Variants in PIRT observed in about 807,000 individuals in gnomAD.
The protein encoded by PIRT is phosphoinositide-interacting protein.
PIRT carries 6 observed loss-of-function variants against 7.9 expected under a neutral mutation model. The ratio of observed to expected loss-of-function variants is 0.76; its 90% CI spans 0.42 to 1.51. The LOEUF is 1.51. Among genes scored for constraint, PIRT ranks in the 40% most tolerant of loss-of-function variants. The pLI is 0.01. For synonymous variants in PIRT, 78 were observed against 71.8 expected (o/e 1.09, Z -0.44); for missense variants, 170 against 172.9 (o/e 0.98, Z 0.09).
chr17:10,833,551 G>A (rs1291901158), intron 1 of PIRT, among the ~76,000 whole-genome samples: 3 of 152,076 alleles, frequency 2.0e-5, no homozygotes, highest in Non-Finnish European at 2.9e-5. Context: ...TCAGGAGTTC[G>A]AGACCAGCCT....
In PIRT at chr17:10,825,481, G is replaced by A. The variant is rs773305208; in HGVS notation, c.165C>T (p.Pro55=). ...CACCGCCCACTGACATGATAACGAT[G>A]GGCTTGCGGTAGATTTCCCAGTTAC... ...PRSNWEIYRK[P]IVIMSVGGAI... The change falls in exon 2 of 2, where the codon CCC becomes CCT. Residue 55 remains proline (P), a synonymous_variant. Coordinates refer to ENST00000580256, the MANE Select transcript of PIRT (RefSeq NM_001101387.2). The A allele has an allele frequency of 1.9e-5, 31 of 1,613,914 alleles. 2 individuals carry two copies. In the Admixed American group the frequency reaches 2.2e-4, roughly 11 times the overall value.
chr17:10,832,120 G>C (rs1905476420), intron 1 of PIRT, among the ~76,000 whole-genome samples: 5 of 152,178 alleles, frequency 3.3e-5, no homozygotes, highest in African/African-American at 9.7e-5. Context: ...TATGCTATGA[G>C]AGCTTAGGAT....
At chr17:10,828,823 A>T (rs1171969315) in intron 1 of PIRT, among the ~76,000 whole-genome samples, 1 of 152,210 alleles carries the variant, frequency 6.6e-6, no homozygotes, top group East Asian at 1.9e-4. Flanking sequence ...TCTCTAGAAC[A>T]AGCAGTTACA....
At chr17:10,828,416 G>T (rs1246059036) in intron 1 of PIRT, among the ~76,000 whole-genome samples, 2 of 152,086 alleles carry the variant, frequency 1.3e-5, no homozygotes, top group African/African-American at 4.8e-5. Flanking sequence ...TTCCTCCTCT[G>T]GCTTCTTCTT....
At chr17:10,836,546 C>T (rs1333580212) in intron 1 of PIRT, among the ~76,000 whole-genome samples, 1 of 152,172 alleles carries the variant, frequency 6.6e-6, no homozygotes, top group East Asian at 1.9e-4. Context: ...TCAAATTGAA[C>T]TGGGCATCTC....
At chr17:10,836,556 C>T (rs1047959640) in intron 1 of PIRT, among the ~76,000 whole-genome samples, 6 of 152,154 alleles carry the variant, frequency 3.9e-5, no homozygotes, top group African/African-American at 7.2e-5. Context: ...CTGGGCATCT[C>T]GCAATACATC....
intron 1 of PIRT, among the ~76,000 whole-genome samples, chr17:10,827,465 C>CTTTCTTTTTTTTTT (rs1905353813): frequency 1.8e-5 from 1 of 56,292 alleles, no homozygotes; most frequent in East Asian, 5.1e-4. Context: ...TTTTTCTTTT[C>CTTTCTTTTTTTTTT]TTTTTTTTTT....
Position 10,825,694 on chromosome 17 carries a change from G to A in PIRT, c.-49C>T, listed in dbSNP as rs1474036678. 6.9e-7 allele frequency: 1 copy of A among 1,445,284 alleles called. No individual in the cohort carries two copies. The highest frequency in any genetic ancestry group is 1.4e-5 in the African/African-American group (1 of 69,692). The allele number at this position is 1,445,284 out of a possible 1,614,324, so 89.5% of individuals were successfully genotyped here. On this transcript the variant is annotated 5_prime_UTR_variant, in exon 2 of 2. Coordinates refer to ENST00000580256, the MANE Select transcript of PIRT (RefSeq NM_001101387.2). The stretch of plus-strand genomic sequence containing the variant: ...GGACCAGCAATAGTTGGAAACAAGA[G>A]TGGAGCCAAAGGAATCCTCACACAC...
chr17:10,836,125 A>T (rs1157368524), intron 1 of PIRT, among the ~76,000 whole-genome samples: 1 of 151,850 alleles, frequency 6.6e-6, no homozygotes, highest in African/African-American at 2.4e-5. Context: ...CTGGCCTCGA[A>T]CTCCTGACCT....
At chr17:10,834,902 T>A in intron 1 of PIRT, among the ~76,000 whole-genome samples, 1 of 152,060 alleles carries the variant, frequency 6.6e-6, no homozygotes, top group South Asian at 2.1e-4. Context: ...GTTTGTTTTT[T>A]TTTTTTTTTT....
intron 1 of PIRT, among the ~76,000 whole-genome samples, chr17:10,827,194 C>T (rs191597570): frequency 2.6e-5 from 4 of 152,232 alleles, no homozygotes; most frequent in Admixed American, 2.6e-4. Context: ...TTCCAGCTTC[C>T]TATTCTCAGG....
chr17:10,829,164 T>G (rs1371414376), intron 1 of PIRT, among the ~76,000 whole-genome samples: 1 of 152,226 alleles, frequency 6.6e-6, no homozygotes, highest in Non-Finnish European at 1.5e-5. Context: ...TTTATTTTTC[T>G]CAGTAGTCAT....
chr17:10,836,574 C>T (rs1369845292), intron 1 of PIRT, among the ~76,000 whole-genome samples: 1 of 152,120 alleles, frequency 6.6e-6, no homozygotes, highest in African/African-American at 2.4e-5. Flanking sequence ...ATCTGGCACC[C>T]CTAATATTGT....
Position 10,825,010 on chromosome 17 carries a change from GA to G in PIRT, c.*221del. ...TGACCAAAGGGAAGGCCACAGCCGG[GA>G]TCCAAGGAAGCATCAGTCAGAATAG... is the stretch of plus-strand genomic sequence containing the variant. On this transcript the variant is annotated 3_prime_UTR_variant, in exon 2 of 2. Transcript: ENST00000580256. 1 of 611,696 alleles carries G rather than the reference GA, an allele frequency of 1.6e-6. No individual in the cohort carries two copies. The highest frequency in any genetic ancestry group is 2.8e-6 in the Non-Finnish European group (1 of 358,970). 37.9% of individuals were successfully genotyped at this position (611,696 alleles called of 1,614,324 possible).
At position 10,824,298 on chromosome 17, in the gene PIRT, C is replaced by G. The variant is rs368203261; in HGVS notation, c.*934G>C. The G allele has an allele frequency of 2.0e-5, 3 of 152,318 alleles. No individual in the cohort carries two copies. The highest frequency in any genetic ancestry group is 4.1e-4 in the South Asian group (2 of 4,826). The allele number at this position is 152,318 out of a possible 1,614,324, so 9.4% of individuals were successfully genotyped here. A position where few individuals can be genotyped will look rare whatever the true frequency, so the allele number is the denominator to read the frequency against. The stretch of plus-strand genomic sequence containing the variant: ...GAATTTTCTGACGTGAATTCCATCT[C>G]TAGAAACCTACAGATCATTCAGATA... On this transcript the variant is annotated 3_prime_UTR_variant, in exon 2 of 2. Coordinates refer to ENST00000580256, the MANE Select transcript of PIRT (RefSeq NM_001101387.2).
chr17:10,827,632 A>G (rs1180831908), intron 1 of PIRT, among the ~76,000 whole-genome samples: 3 of 151,052 alleles, frequency 2.0e-5, no homozygotes, highest in African/African-American at 7.3e-5. Context: ...CCACCACCAC[A>G]CGCAGCTAAT....
intron 1 of PIRT, among the ~76,000 whole-genome samples, chr17:10,829,299 G>A (rs1055688637): frequency 1.3e-5 from 2 of 152,212 alleles, no homozygotes; most frequent in Non-Finnish European, 2.9e-5. Context: ...CTGGGGCTGG[G>A]CAGGGGAAGG....
chr17:10,830,387 G>A (rs1436051346), intron 1 of PIRT, among the ~76,000 whole-genome samples: 1 of 152,174 alleles, frequency 6.6e-6, no homozygotes, highest in Non-Finnish European at 1.5e-5. Flanking sequence ...GCATCAGAGT[G>A]ACCACAATTT....
intron 1 of PIRT, among the ~76,000 whole-genome samples, chr17:10,830,972 C>T (rs1336533795): frequency 6.6e-6 from 1 of 152,158 alleles, no homozygotes; most frequent in African/African-American, 2.4e-5. Flanking sequence ...AATATATCTC[C>T]AGACATTGCA....
Sources: gnomAD v4.1 joint callset for allele counts (sites outside exome capture counted in the v4.1 genomes callset) on GRCh38, gnomAD v4.1.1 for gene constraint, MANE v1.5 for transcripts, NCBI Gene and HGNC (gene_info 2026-07-23, HGNC 2026-07-21) for gene names.